The following SDCCAG8 variants were observed in gnomAD, a reference collection of about 807,000 sequenced individuals.
The protein encoded by SDCCAG8 is SHH signaling and ciliogenesis regulator SDCCAG8.
A neutral mutation model predicts 101.8 loss-of-function variants in SDCCAG8; 74 were observed. That is an observed-to-expected ratio of 0.73 (90% CI 0.60 to 0.88). The LOEUF (loss-of-function observed/expected upper bound fraction) is 0.88, where lower values mean the gene tolerates loss of function less well. Among genes scored for constraint, SDCCAG8 ranks in the 40% least tolerant of loss-of-function variants. The pLI is 0.00. For synonymous variants in SDCCAG8, 281 were observed against 292.9 expected (o/e 0.96, Z 0.41); for missense variants, 787 against 822.6 (o/e 0.96, Z 0.53).
chr1:243,384,605 C>CACACAT (rs745772263), intron 13 of SDCCAG8, among the ~76,000 whole-genome samples: 7 of 151,736 alleles, frequency 4.6e-5, no homozygotes, highest in Non-Finnish European at 1.0e-4. Context: ...CACACACACA[C>CACACAT]ACACACACAC....
At chr1:243,422,474 G>A (rs2081077154) in intron 15 of SDCCAG8, among the ~76,000 whole-genome samples, 1 of 152,084 alleles carries the variant, frequency 6.6e-6, no homozygotes, top group African/African-American at 2.4e-5. Context: ...ATACTTTATG[G>A]TGTTATAAAT....
chr1:243,445,941 G>A (rs756276170), intron 16 of SDCCAG8, among the ~76,000 whole-genome samples: 23 of 152,250 alleles, frequency 1.5e-4, no homozygotes, highest in Middle Eastern at 6.8e-3. Flanking sequence ...ATGGAATTAC[G>A]TTTATGTAAG....
intron 16 of SDCCAG8, among the ~76,000 whole-genome samples, chr1:243,467,527 A>G (rs1660386138): frequency 6.6e-6 from 1 of 152,250 alleles, no homozygotes; most frequent in African/African-American, 2.4e-5. Flanking sequence ...GGTTAAGCAC[A>G]TATGTGCACC....
At chr1:243,282,175 A>G (rs2069115473) in intron 4 of SDCCAG8, among the ~76,000 whole-genome samples, 1 of 151,262 alleles carries the variant, frequency 6.6e-6, no homozygotes, top group African/African-American at 2.4e-5. Flanking sequence ...TTTTTTTCCA[A>G]TTCACATATC....
intron 15 of SDCCAG8, 146 bp from the exon 16 acceptor site, chr1:243,426,281 A>G: frequency 1.4e-6 from 1 of 717,732 alleles, no homozygotes; most frequent in African/African-American, 1.8e-5. Context: ...CCATTTCTGA[A>G]ATATTTTCTT....
At chr1:243,404,960 G>A (rs981206523) in intron 13 of SDCCAG8, among the ~76,000 whole-genome samples, 22 of 150,646 alleles carry the variant, frequency 1.5e-4, no homozygotes, top group Non-Finnish European at 8.8e-5. Context: ...TCCGCCTCCC[G>A]GGCTCAAGCA....
Position 243,258,371 on chromosome 1 carries a change from G to T in SDCCAG8, c.67+2131G>T, listed in dbSNP as rs528440481. ...ACTCTGAACTTAAGTACAGTCAGAA[G>T]TTCTTCACAAATATAAATTGCTATT... On this transcript the variant is annotated intron_variant, in intron 1 of 17. Coordinates refer to ENST00000366541, the MANE Select transcript of SDCCAG8 (RefSeq NM_006642.5). Among the ~76,000 whole-genome samples, 6 of 152,256 alleles carry T rather than the reference G, an allele frequency of 3.9e-5. No homozygotes were observed. In the South Asian group the frequency reaches 1.2e-3, roughly 32 times the overall value.
chr1:243,386,446 A>G (rs2078294602), intron 13 of SDCCAG8, among the ~76,000 whole-genome samples: 1 of 152,158 alleles, frequency 6.6e-6, no homozygotes, highest in African/African-American at 2.4e-5. Context: ...TCACGCCTGT[A>G]ATCCTAGCAC....
chr1:243,363,467 C>T (rs778438769), intron 12 of SDCCAG8, among the ~76,000 whole-genome samples: 2 of 152,018 alleles, frequency 1.3e-5, no homozygotes, highest in Admixed American at 1.3e-4. Flanking sequence ...GATATAAACC[C>T]GTGTTGGGAA....
intron 9 of SDCCAG8, among the ~76,000 whole-genome samples, chr1:243,322,261 C>T (rs1382598840): frequency 6.6e-6 from 1 of 152,196 alleles, no homozygotes; most frequent in Non-Finnish European, 1.5e-5. Context: ...CGTTCTGCGG[C>T]AAGATCAGGA....
intron 10 of SDCCAG8, among the ~76,000 whole-genome samples, chr1:243,335,285 C>T (rs146105472): frequency 8.5e-5 from 13 of 152,158 alleles, no homozygotes; most frequent in African/African-American, 2.4e-4. Context: ...GGGGAAGGAA[C>T]GCCACCTGTA....
At chr1:243,405,347 TA>T (rs570372173) in intron 13 of SDCCAG8, among the ~76,000 whole-genome samples, 2 of 151,980 alleles carry the variant, frequency 1.3e-5, no homozygotes, top group Non-Finnish European at 2.9e-5. Flanking sequence ...AAAAACAAAA[TA>T]AAAAAACATG....
At chr1:243,445,312 A>G (rs1404214918) in intron 16 of SDCCAG8, among the ~76,000 whole-genome samples, 1 of 152,198 alleles carries the variant, frequency 6.6e-6, no homozygotes, top group Non-Finnish European at 1.5e-5. Flanking sequence ...CATTTTATAG[A>G]TAAGAAAACG....
At chr1:243,480,664 TGGATGGATGGATGGGTG>T (rs1216671402) in intron 16 of SDCCAG8, among the ~76,000 whole-genome samples, 2 of 93,214 alleles carry the variant, frequency 2.1e-5, no homozygotes, top group African/African-American at 4.3e-5. Context: ...ATGGGTGGGA[TGGATGGATGGATGGGTG>T]GGATGGATGG....
chr1:243,287,409 T>C (rs1049947694), intron 5 of SDCCAG8, among the ~76,000 whole-genome samples: 14 of 152,128 alleles, frequency 9.2e-5, no homozygotes, highest in African/African-American at 3.4e-4. Context: ...ATTTTCGTTT[T>C]TGAAGTTTTT....
rs150371554 is a variant in SDCCAG8 at position 243,379,198 on chromosome 1, G to T, written c.1616+335G>T. On this transcript the variant is annotated intron_variant, in intron 13 of 17. Transcript: ENST00000366541. ...GTCTAATAAAAATCTTGAACTGAAGGATGTGAGGAATTCATTTAGGAAAAT... is the reference window on the plus strand; with the variant it reads ...GTCTAATAAAAATCTTGAACTGAAGTATGTGAGGAATTCATTTAGGAAAAT... Among the ~76,000 whole-genome samples, 145 of 152,290 alleles carry T rather than the reference G, an allele frequency of 9.5e-4. 2 individuals carry two copies. In the East Asian group the frequency reaches 0.023, roughly 24 times the overall value.
At chr1:243,309,184 C>T (rs930288008) in intron 8 of SDCCAG8, among the ~76,000 whole-genome samples, 1 of 152,094 alleles carries the variant, frequency 6.6e-6, no homozygotes, top group African/African-American at 2.4e-5. Context: ...AGCCTGTGAC[C>T]AGAAGTACTG....
intron 6 of SDCCAG8, among the ~76,000 whole-genome samples, chr1:243,300,923 T>C (rs2071433481): frequency 6.6e-6 from 1 of 152,106 alleles, no homozygotes; most frequent in Non-Finnish European, 1.5e-5. Context: ...TGTGGCAATT[T>C]AAAAAAACTT....
intron 6 of SDCCAG8, among the ~76,000 whole-genome samples, chr1:243,301,033 C>A (rs2071447370): frequency 6.6e-6 from 1 of 152,092 alleles, no homozygotes; most frequent in Admixed American, 6.6e-5. Flanking sequence ...TTATCATCTA[C>A]TACCATAAAA....
Sources: allele counts gnomAD v4.1 joint callset (sites outside exome capture counted in the v4.1 genomes callset), GRCh38; gene constraint gnomAD v4.1.1; transcripts MANE v1.5; gene names NCBI Gene and HGNC (gene_info 2026-07-23, HGNC 2026-07-21).